Variants in CD34 observed in about 807,000 individuals in gnomAD.
The protein encoded by CD34 is CD34 molecule, also known as hematopoietic progenitor cell antigen CD34.
Under a neutral mutation model 40.1 loss-of-function variants are expected in CD34, and 34 were observed. The ratio of observed to expected loss-of-function variants is 0.85; its 90% CI spans 0.65 to 1.13. CD34 has a LOEUF of 1.13. Ranked by LOEUF, CD34 falls within the 50% of genes most tolerant of loss-of-function variation. The pLI is 0.00. For synonymous variants in CD34, 209 were observed against 190.0 expected, an observed-to-expected ratio of 1.10 and a Z score of -0.82; for missense variants, 426 against 466.9, an observed-to-expected ratio of 0.91 and a Z score of 0.81.
At chr1:207,907,744 C>T (rs1244576606) in intron 1 of CD34, among the ~76,000 whole-genome samples, 1 of 152,186 alleles carries the variant, frequency 6.6e-6, no homozygotes, top group African/African-American at 2.4e-5. Flanking sequence ...GCACAACGTC[C>T]AGCTCTGGGA....
At chr1:207,908,744 C>T (rs1424002405) in intron 1 of CD34, among the ~76,000 whole-genome samples, 2 of 152,206 alleles carry the variant, frequency 1.3e-5, no homozygotes, top group African/African-American at 4.8e-5. Context: ...CCTTGAGCCC[C>T]TTACCCTGAC....
At position 207,888,152 on chromosome 1, in the gene CD34, C is replaced by G. The variant is rs772169632; in HGVS notation, c.973-229G>C. The G allele has an allele frequency of 6.2e-6, 10 of 1,612,958 alleles. No homozygotes were observed. The East Asian group carries it at 2.2e-4, about 36-fold the overall frequency. ...GAAAGGACATAGGAGAGGCACCACA[C>G]CATGCCACCGCAGCTCGGCAGCCAG... On this transcript the variant is annotated intron_variant, in intron 7 of 7. Coordinates refer to ENST00000310833, the MANE Select transcript of CD34 (RefSeq NM_001025109.2).
intron 4 of CD34, 140 bp from the exon 5 acceptor site, chr1:207,889,761 A>G: frequency 6.3e-7 from 1 of 1,587,368 alleles, no homozygotes; most frequent in Non-Finnish European, 8.5e-7. Context: ...AACAGAAAAA[A>G]AAAAAACTGC....
At chr1:207,889,013 C>G in intron 6 of CD34, 148 bp downstream of exon 6, 1 of 865,438 alleles carries the variant, frequency 1.2e-6, no homozygotes, top group Non-Finnish European at 1.9e-6. Flanking sequence ...TCAGTCATAC[C>G]CCACCATTTT....
rs370912818 is a variant in CD34 at position 207,888,696 on chromosome 1, T to A, written c.958A>T (p.Thr320Ser). 4 of 1,614,050 alleles carry A rather than the reference T, an allele frequency of 2.5e-6. No individual in the cohort carries two copies. The African/African-American group carries it at 5.3e-5, about 22-fold the overall frequency. The change falls in exon 7 of 8, where the codon ACA becomes TCA. Residue 320 changes from threonine (T) to serine (S), a missense_variant. Coordinates refer to ENST00000310833, the MANE Select transcript of CD34 (RefSeq NM_001025109.2). The part of the protein sequence containing the change: ...FLMNRRSWSP[T>S]GERLGEDPYY... ...CCAGAACTGACCAGCCTTTCTCCTG[T>A]GGGGCTCCAGCTGCGGCGATTCATC...
At position 207,899,114 on chromosome 1, in the gene CD34, G is replaced by C; in HGVS notation, c.375C>G (p.Ala125=). The C allele has an allele frequency of 1.2e-6, 2 of 1,614,222 alleles. No individual in the cohort carries two copies. Among genetic ancestry groups the C allele is most frequent in the South Asian group, 1.1e-5 (1 of 91,086 alleles). ...AGGTTGTCTCTGGAGTTGAAACGTTGGCTGGGGTGGTGAACACTGTGCTGA... is the reference window on the plus strand; with the variant it reads ...AGGTTGTCTCTGGAGTTGAAACGTTCGCTGGGGTGGTGAACACTGTGCTGA... ...SVISTVFTTP[A]NVSTPETTLK... Residue 125 remains alanine (A), a synonymous_variant, in exon 3 of 8, where the codon GCC becomes GCG. Coordinates refer to ENST00000310833, the MANE Select transcript of CD34 (RefSeq NM_001025109.2).
In CD34 at chr1:207,885,964, T is replaced by C. The variant is rs1377774602; in HGVS notation, c.*1774A>G. 1 of 151,300 alleles carries C rather than the reference T, an allele frequency of 6.6e-6. No individual in the cohort carries two copies. Among genetic ancestry groups the C allele is most frequent in the African/African-American group, 2.4e-5 (1 of 41,066 alleles). 9.4% of individuals were successfully genotyped at this position (151,300 alleles called of 1,614,324 possible). A position where few individuals can be genotyped will look rare whatever the true frequency, so the allele number is the denominator to read the frequency against. On this transcript the variant is annotated 3_prime_UTR_variant, in exon 8 of 8. Transcript: ENST00000310833. ...CCTGGTAGGGGTGGGGTGGGGGTTG[T>C]TTTGGAAGCTGGGGGGAGGTACATG... is the stretch of plus-strand genomic sequence containing the variant.
intron 4 of CD34, among the ~76,000 whole-genome samples, chr1:207,895,437 G>T (rs543266392): frequency 6.6e-6 from 1 of 152,268 alleles, no homozygotes; most frequent in Admixed American, 6.5e-5. Context: ...TTATGAAGGG[G>T]CAGTGTGGAT....
intron 7 of CD34, 170 bp from the exon 8 acceptor site, chr1:207,888,093 C>T: frequency 1.2e-6 from 2 of 1,613,958 alleles, no homozygotes; most frequent in African/African-American, 1.3e-5. Context: ...TCCTTTCTTC[C>T]TGAAGAGTGG....
chr1:207,910,855 G>GA, intron 1 of CD34, 147 bp downstream of exon 1: 1 of 704,156 alleles, frequency 1.4e-6, no homozygotes, highest in South Asian at 1.8e-5. Flanking sequence ...CGCTGGCCCC[G>GA]GGGGGAAGCA....
At chr1:207,888,640 A>G in intron 7 of CD34, 42 bp downstream of exon 7, 1 of 1,601,728 alleles carries the variant, frequency 6.2e-7, no homozygotes, top group Non-Finnish European at 8.5e-7. Context: ...CCAGAAACCC[A>G]CTATCTTCCT....
At position 207,911,054 on chromosome 1, in the gene CD34, T is replaced by C. The variant is rs1571784440; in HGVS notation, c.27A>G (p.Ala9=). MLVRRGAR[A]GPRMPRGWTA... is the part of the protein sequence containing the mutation. ...TCCAGCCCCGCGGCATCCTGGGCCCTGCGCGCGCGCCCCTGCGGACCAGCA... is the reference window on the plus strand; with the variant it reads ...TCCAGCCCCGCGGCATCCTGGGCCCCGCGCGCGCGCCCCTGCGGACCAGCA... The change falls in exon 1 of 8, where the codon GCA becomes GCG. Residue 9 remains alanine, a synonymous_variant. Coordinates refer to ENST00000310833, the MANE Select transcript of CD34 (RefSeq NM_001025109.2). 3.1e-6 allele frequency: 5 copies of C among 1,591,696 alleles called. No individual in the cohort carries two copies. Among genetic ancestry groups the C allele is most frequent in the Middle Eastern group, 3.3e-4 (2 of 6,028 alleles).
At chr1:207,888,997 C>G in intron 6 of CD34, 151 bp from the exon 7 acceptor site, 1 of 934,476 alleles carries the variant, frequency 1.1e-6, no homozygotes, top group Non-Finnish European at 1.7e-6. Flanking sequence ...ACTGACGTCT[C>G]TTAATTCAGT....
In CD34 at chr1:207,901,355, G is replaced by C. The variant is rs1478527118; in HGVS notation, c.80-1352C>G. Among the ~76,000 whole-genome samples the C allele has an allele frequency of 2.6e-5, 4 of 152,248 alleles. No homozygotes were observed. The East Asian group carries it at 5.8e-4, about 22-fold the overall frequency. On this transcript the variant is annotated intron_variant, in intron 1 of 7. Coordinates refer to ENST00000310833, the MANE Select transcript of CD34 (RefSeq NM_001025109.2). ...GGCACTTTGCTCACATCCACGATGG[G>C]CCGCTTCTCCCAGTCCATCCTGCTA...
At chr1:207,908,606 G>A (rs893256648) in intron 1 of CD34, among the ~76,000 whole-genome samples, 1 of 152,232 alleles carries the variant, frequency 6.6e-6, no homozygotes, top group Non-Finnish European at 1.5e-5. Flanking sequence ...GGTGTTGTTA[G>A]AGTGAGGATA....
Position 207,899,011 on chromosome 1 carries a change from G to A in CD34, c.478C>T (p.Pro160Ser), listed in dbSNP as rs749484739. The A allele has an allele frequency of 9.9e-6, 16 of 1,614,094 alleles. No individual in the cohort carries two copies. The highest frequency in any genetic ancestry group is 1.4e-5 in the Non-Finnish European group (16 of 1,180,046). Residue 160 changes from proline (P) to serine (S), a missense_variant, in exon 3 of 8, where the codon CCC becomes TCC. Physicochemically the swap from Pro to Ser is moderately conservative, Grantham distance 74 (BLOSUM62 -1). Transcript: ENST00000310833. ...STSLATSPTK[P>S]YTSSSPILSD... Reference sequence around the variant, plus strand: ...AGGATAGGAGAAGATGATGTATAGGGTTTAGTGGGAGATGTTGCAAGGCTA... The same window carrying A: ...AGGATAGGAGAAGATGATGTATAGGATTTAGTGGGAGATGTTGCAAGGCTA...
At chr1:207,889,409 T>A in intron 5 of CD34, 56 bp downstream of exon 5, 1 of 1,560,982 alleles carries the variant, frequency 6.4e-7, no homozygotes, top group Non-Finnish European at 8.7e-7. Flanking sequence ...CCACCCAGGA[T>A]TCTCTAACCT....
At chr1:207,893,977 T>G (rs1397259237) in intron 4 of CD34, among the ~76,000 whole-genome samples, 1 of 152,228 alleles carries the variant, frequency 6.6e-6, no homozygotes, top group African/African-American at 2.4e-5. Flanking sequence ...CTGGTGGGAA[T>G]GTAAAACGGT....
intron 4 of CD34, among the ~76,000 whole-genome samples, chr1:207,895,239 A>C (rs755264420): frequency 2.0e-5 from 3 of 152,206 alleles, no homozygotes; most frequent in Non-Finnish European, 4.4e-5. Context: ...CATCTTGGAC[A>C]TAATCGGGAG....
Sources: allele counts gnomAD v4.1 joint callset (sites outside exome capture counted in the v4.1 genomes callset), GRCh38; gene constraint gnomAD v4.1.1; transcripts MANE v1.5; gene names NCBI Gene and HGNC (gene_info 2026-07-23, HGNC 2026-07-21).